Variants in DAB1 observed in about 807,000 individuals in gnomAD.
DAB1 encodes the protein disabled homolog 1.
A neutral mutation model predicts 64.6 loss-of-function variants in DAB1; 15 were observed. That is an observed-to-expected ratio of 0.23 (90% CI 0.16 to 0.36). The LOEUF is 0.36. Among genes scored for constraint, DAB1 ranks in the 10% least tolerant of loss-of-function variants. DAB1 has a pLI of 1.00. For missense variants in DAB1, 596 were observed against 706.7 expected, an observed-to-expected ratio of 0.84 and a Z score of 1.78; for synonymous variants, 235 against 251.9, an observed-to-expected ratio of 0.93 and a Z score of 0.64.
intron 6 of DAB1, among the ~76,000 whole-genome samples, chr1:57,796,762 C>T (rs1390823975): frequency 6.6e-6 from 1 of 152,076 alleles, no homozygotes; most frequent in Non-Finnish European, 1.5e-5. Flanking sequence ...TGCTGTCCTC[C>T]TCTCCCTGTG....
chr1:57,641,390 T>TTTTG (rs1553203143), intron 7 of DAB1, among the ~76,000 whole-genome samples: 3 of 141,504 alleles, frequency 2.1e-5, no homozygotes, highest in Non-Finnish European at 4.6e-5. Flanking sequence ...TTTTTTTTTT[T>TTTTG]TTTTTTTTTT....
chr1:58,118,951 C>CT (rs142925523), intron 5 of DAB1, among the ~76,000 whole-genome samples: 2,440 of 152,068 alleles, frequency 0.016, 63 homozygotes, highest in South Asian at 0.1. Flanking sequence ...AGCCACTAGG[C>CT]ACATGTGACT....
intron 6 of DAB1, among the ~76,000 whole-genome samples, chr1:57,765,479 G>A (rs551479811): frequency 1.6e-4 from 25 of 152,276 alleles, no homozygotes; most frequent in South Asian, 1.5e-3. Context: ...CGCCTCTGAG[G>A]AATGTGAAAG....
intron 7 of DAB1, among the ~76,000 whole-genome samples, chr1:57,430,678 A>G (rs1685472212): frequency 6.6e-6 from 1 of 152,152 alleles, no homozygotes; most frequent in Non-Finnish European, 1.5e-5. Context: ...ATAAAGTACA[A>G]TAGGAACACT....
intron 6 of DAB1, among the ~76,000 whole-genome samples, chr1:57,727,692 T>C (rs1647238007): frequency 8.7e-6 from 1 of 115,162 alleles, no homozygotes; most frequent in South Asian, 3.2e-4. Context: ...TCTCTTTTTC[T>C]CTGTTTCTCA....
intron 6 of DAB1, among the ~76,000 whole-genome samples, chr1:57,757,780 T>C (rs1425731535): frequency 6.6e-6 from 1 of 152,154 alleles, no homozygotes; most frequent in Non-Finnish European, 1.5e-5. Flanking sequence ...CAAGCCATAA[T>C]AGGCAAGTTA....
At chr1:57,923,947 C>T (rs894853660) in intron 5 of DAB1, among the ~76,000 whole-genome samples, 2 of 152,206 alleles carry the variant, frequency 1.3e-5, no homozygotes, top group Non-Finnish European at 2.9e-5. Context: ...GAAAGAAACA[C>T]TTATAACAGA....
At chr1:58,246,514 C>T (rs1051784830) in intron 4 of DAB1, among the ~76,000 whole-genome samples, 1 of 152,176 alleles carries the variant, frequency 6.6e-6, no homozygotes, top group South Asian at 2.1e-4. Context: ...GAAAGTAGCA[C>T]CTGCAAAGGT....
chr1:57,171,654 A>C (rs994990571), intron 2 of DAB1, among the ~76,000 whole-genome samples: 1 of 152,184 alleles, frequency 6.6e-6, no homozygotes, highest in Non-Finnish European at 1.5e-5. Flanking sequence ...CAGAGGATTA[A>C]AAAAATACAT....
At chr1:57,379,172 C>G (rs1305997729) in intron 1 of DAB1, among the ~76,000 whole-genome samples, 1 of 151,998 alleles carries the variant, frequency 6.6e-6, no homozygotes, top group Non-Finnish European at 1.5e-5. Context: ...AAGAAACCCC[C>G]TCCCCCACCA....
chr1:57,639,362 T>TAA (rs57430471), intron 7 of DAB1, among the ~76,000 whole-genome samples: 487 of 41,484 alleles, frequency 0.012, no homozygotes, highest in Middle Eastern at 0.027. Context: ...AAGTTCTTTA[T>TAA]AAAGAACTTT....
chr1:57,939,830 G>T (rs1645077794), intron 5 of DAB1, among the ~76,000 whole-genome samples: 1 of 152,170 alleles, frequency 6.6e-6, no homozygotes, highest in Admixed American at 6.5e-5. Context: ...CTTTCCCACT[G>T]AGGTCTCATT....
At chr1:57,724,304 G>GGAAGGA (rs1557444218) in intron 6 of DAB1, among the ~76,000 whole-genome samples, 24 of 131,390 alleles carry the variant, frequency 1.8e-4, no homozygotes, top group African/African-American at 7.0e-4. Context: ...GGAAGGAAGG[G>GGAAGGA]AGGGAGGGAG....
chr1:58,212,620 C>G (rs2100296480), intron 4 of DAB1, among the ~76,000 whole-genome samples: 1 of 152,284 alleles, frequency 6.6e-6, no homozygotes. Context: ...TCTTGAAGCT[C>G]TTTGAAATTA....
At chr1:57,217,417 G>A (rs1452718515) in intron 2 of DAB1, among the ~76,000 whole-genome samples, 3 of 152,086 alleles carry the variant, frequency 2.0e-5, no homozygotes, top group Non-Finnish European at 4.4e-5. Context: ...TGAATTATAT[G>A]TCCTTATCGG....
At chr1:58,046,664 G>A (rs576655291) in intron 5 of DAB1, among the ~76,000 whole-genome samples, 1 of 152,188 alleles carries the variant, frequency 6.6e-6, no homozygotes, top group Admixed American at 6.5e-5. Context: ...TGTCCATCTG[G>A]TATCTTCTCT....
chr1:58,060,978 C>T (rs1198509900), intron 5 of DAB1, among the ~76,000 whole-genome samples: 1 of 152,190 alleles, frequency 6.6e-6, no homozygotes, highest in Non-Finnish European at 1.5e-5. Context: ...CCAGTGCTGC[C>T]AGCAAGAAGG....
chr1:58,385,182 A>G (rs1644422813), intron 3 of DAB1, among the ~76,000 whole-genome samples: 1 of 152,246 alleles, frequency 6.6e-6, no homozygotes, highest in South Asian at 2.1e-4. Context: ...TGGTGATGGT[A>G]GCAGGAGTGT....
At chr1:58,167,742 G>A (rs545547860) in intron 4 of DAB1, among the ~76,000 whole-genome samples, 1 of 152,324 alleles carries the variant, frequency 6.6e-6, no homozygotes, top group East Asian at 1.9e-4. Flanking sequence ...CCCACCAGGA[G>A]GAATAAACAA....
Sources: gnomAD v4.1 joint callset for allele counts (sites outside exome capture counted in the v4.1 genomes callset) on GRCh38, gnomAD v4.1.1 for gene constraint, MANE v1.5 for transcripts, NCBI Gene and HGNC (gene_info 2026-07-23, HGNC 2026-07-21) for gene names.